MGAT4C: variants seen among roughly 807,000 people sequenced by gnomAD.
The protein encoded by MGAT4C is MGAT4 family member C, also known as alpha-1,3-mannosyl-glycoprotein 4-beta-N-acetylglucosaminyltransferase C.
In MGAT4C, 19 loss-of-function variants were observed where a neutral mutation model predicts 40.1. The ratio of observed to expected loss-of-function variants is 0.47; its 90% confidence interval spans 0.33 to 0.70. The LOEUF (loss-of-function observed/expected upper bound fraction) is 0.70, where lower values mean the gene tolerates loss of function less well. Among genes scored for constraint, MGAT4C ranks in the 30% least tolerant of loss-of-function variants. The probability of loss-of-function intolerance (pLI) is 0.02; values close to 1 mark genes in which losing one functional copy is unlikely to be tolerated. For missense variants in MGAT4C, 491 were observed against 563.2 expected (o/e 0.87, Z 1.30); for synonymous variants, 181 against 187.1 (o/e 0.97, Z 0.27).
At chr12:86,203,014 CTGTGTGTGTGTGTGTGTG>C (rs10587166) in intron 1 of MGAT4C, among the ~76,000 whole-genome samples, 3 of 147,484 alleles carry the variant, frequency 2.0e-5, no homozygotes, top group Non-Finnish European at 4.5e-5. Context: ...TCACATTTTC[CTGTGTGTGTGTGTGTGTG>C]TGTGTGTGTG....
chr12:86,811,336 A>ATTTTTTTTTT (rs553885593), intron 1 of MGAT4C, among the ~76,000 whole-genome samples: 13 of 106,948 alleles, frequency 1.2e-4, no homozygotes, highest in Non-Finnish European at 1.2e-4. Flanking sequence ...CACTCATAGT[A>ATTTTTTTTTT]TTTTTTTTTT....
At chr12:86,353,916 G>C (rs1297793096) in intron 3 of MGAT4C, among the ~76,000 whole-genome samples, 2 of 152,046 alleles carry the variant, frequency 1.3e-5, no homozygotes, top group Non-Finnish European at 2.9e-5. Flanking sequence ...CCAAATCAAG[G>C]CCTCCGGTAT....
At chr12:86,313,850 T>C (rs1954135765) in intron 4 of MGAT4C, among the ~76,000 whole-genome samples, 1 of 152,170 alleles carries the variant, frequency 6.6e-6, no homozygotes, top group South Asian at 2.1e-4. Context: ...ACAATGTCTA[T>C]AGAAAGAGAA....
At chr12:85,982,647 T>C (rs1234644981) in intron 4 of MGAT4C, among the ~76,000 whole-genome samples, 1 of 152,340 alleles carries the variant, frequency 6.6e-6, no homozygotes, top group East Asian at 1.9e-4. Context: ...AAATATAGTA[T>C]GTTACTTCTT....
Position 85,960,488 on chromosome 12 carries a change from A to G in MGAT4C, c.*18801T>C, listed in dbSNP as rs939594981. 15 of 152,038 alleles carry G rather than the reference A, an allele frequency of 9.9e-5. No homozygotes were observed. The highest frequency in any genetic ancestry group is 3.4e-4 in the African/African-American group (14 of 41,430). 9.4% of individuals were successfully genotyped at this position (152,038 alleles called of 1,614,324 possible). A position where few individuals can be genotyped will look rare whatever the true frequency, so the allele number is the denominator to read the frequency against. On this transcript the variant is annotated 3_prime_UTR_variant, in exon 5 of 5. Coordinates refer to ENST00000611864, the MANE Select transcript of MGAT4C (RefSeq NM_001351288.2). ...CATAGATGAAAAATGTAAAACAACA[A>G]TTAGCATGTGACATGCTCTCAGCAA...
chr12:86,571,542 C>T (rs1337892619), intron 2 of MGAT4C, among the ~76,000 whole-genome samples: 1 of 151,944 alleles, frequency 6.6e-6, no homozygotes, highest in Non-Finnish European at 1.5e-5. Flanking sequence ...CAGTCTTTAA[C>T]AAAATCCTTA....
chr12:86,598,130 C>T (rs1961612518), intron 2 of MGAT4C, among the ~76,000 whole-genome samples: 3 of 152,060 alleles, frequency 2.0e-5, no homozygotes, highest in Non-Finnish European at 2.9e-5. Flanking sequence ...TGTTTAGATA[C>T]ACAAACACCA....
intron 1 of MGAT4C, among the ~76,000 whole-genome samples, chr12:86,813,126 GA>G (rs1334754518): frequency 6.6e-6 from 1 of 151,906 alleles, no homozygotes; most frequent in Non-Finnish European, 1.5e-5. Flanking sequence ...CTTGCCTCTT[GA>G]GTAGTTTATA....
intron 1 of MGAT4C, among the ~76,000 whole-genome samples, chr12:86,820,980 A>G (rs1033201057): frequency 6.6e-6 from 1 of 150,976 alleles, no homozygotes; most frequent in African/African-American, 2.4e-5. Flanking sequence ...GTTGGAGTGT[A>G]TTAGTATATA....
intron 2 of MGAT4C, among the ~76,000 whole-genome samples, chr12:86,654,677 G>A (rs970360997): frequency 2.7e-5 from 4 of 149,762 alleles, no homozygotes; most frequent in African/African-American, 9.8e-5. Context: ...AACAAACAAT[G>A]TCATAGTTAT....
At chr12:86,284,889 C>T (rs899181297) in intron 4 of MGAT4C, among the ~76,000 whole-genome samples, 7 of 151,908 alleles carry the variant, frequency 4.6e-5, no homozygotes, top group African/African-American at 1.7e-4. Flanking sequence ...GTCATCTGCA[C>T]AGTCAATTAT....
At chr12:86,263,466 A>T (rs1324159312) in intron 4 of MGAT4C, among the ~76,000 whole-genome samples, 1 of 152,144 alleles carries the variant, frequency 6.6e-6, no homozygotes, top group Non-Finnish European at 1.5e-5. Flanking sequence ...ATTTCAGATA[A>T]TGTCCTCCAA....
At position 86,419,384 on chromosome 12, in the gene MGAT4C, A is replaced by ATAT. The variant is rs139888950; in HGVS notation, c.-120+15770_-120+15772dup. 8.2e-4 allele frequency among the ~76,000 whole-genome samples: 125 copies of ATAT among 151,674 alleles called. 1 individual carries two copies. The highest frequency in any genetic ancestry group is 6.5e-4 in the Non-Finnish European group (44 of 67,884). On this transcript the variant is annotated intron_variant, in intron 3 of 7. Transcript: ENST00000548651. The stretch of plus-strand genomic sequence containing the variant: ...TTCAGCCTCTTTGAGATATACATAC[A>ATAT]TATATATGTACATATATCCATACAT...
chr12:86,155,761 A>G (rs1439033926), intron 1 of MGAT4C, among the ~76,000 whole-genome samples: 1 of 152,182 alleles, frequency 6.6e-6, no homozygotes, highest in Non-Finnish European at 1.5e-5. Context: ...GTGTATGTAC[A>G]TATACACACA....
chr12:86,729,274 TG>T (rs1950871818), intron 1 of MGAT4C, among the ~76,000 whole-genome samples: 1 of 152,168 alleles, frequency 6.6e-6, no homozygotes, highest in African/African-American at 2.4e-5. Flanking sequence ...CCAGTTACCC[TG>T]GTGTGATTAT....
chr12:86,245,335 G>T (rs1376806546), intron 1 of MGAT4C, among the ~76,000 whole-genome samples: 1 of 152,136 alleles, frequency 6.6e-6, no homozygotes, highest in East Asian at 1.9e-4. Context: ...TTAAGGTTCT[G>T]CCCTTCTAGG....
At chr12:86,632,556 A>T (rs757423552) in intron 2 of MGAT4C, among the ~76,000 whole-genome samples, 1 of 152,110 alleles carries the variant, frequency 6.6e-6, no homozygotes, top group Non-Finnish European at 1.5e-5. Flanking sequence ...ACATATATAC[A>T]CTATGGAATA....
Position 86,704,920 on chromosome 12 carries a change from T to C in MGAT4C, c.-229+22289A>G, listed in dbSNP as rs58560876. 8.0e-4 allele frequency among the ~76,000 whole-genome samples: 122 copies of C among 152,232 alleles called. No individual in the cohort carries two copies. The Middle Eastern group carries it at 0.01, about 13-fold the overall frequency. ...CTTCATTAACATTAGCAGCAGCTTG[T>C]TTTAGTTAACTTTCCATATTTTTCT... On this transcript the variant is annotated intron_variant, in intron 2 of 7. Transcript: ENST00000548651.
chr12:86,790,767 C>T (rs1424194734), intron 1 of MGAT4C, among the ~76,000 whole-genome samples: 4 of 152,032 alleles, frequency 2.6e-5, no homozygotes, highest in Admixed American at 2.0e-4. Flanking sequence ...TGAATCTCTG[C>T]GTTCAGAGAG....
Sources: allele counts gnomAD v4.1 joint callset (sites outside exome capture counted in the v4.1 genomes callset), GRCh38; gene constraint gnomAD v4.1.1; transcripts MANE v1.5; gene names NCBI Gene and HGNC (gene_info 2026-07-23, HGNC 2026-07-21).